The following HBP1 variants were observed in gnomAD, a reference collection of about 807,000 sequenced individuals.
HBP1 encodes the protein HMG box-containing protein 1.
HBP1 carries 20 observed loss-of-function variants against 62.6 expected under a neutral mutation model. The observed-to-expected ratio is 0.32, with a 90% CI of 0.22 to 0.46. HBP1 has a LOEUF of 0.46. Among genes scored for constraint, HBP1 ranks in the 20% least tolerant of loss-of-function variants. The pLI, the probability that HBP1 is intolerant of heterozygous loss-of-function variation, is 1.00. For synonymous variants in HBP1, 232 were observed against 206.2 expected (o/e 1.12, Z -1.07); for missense variants, 480 against 611.8 (o/e 0.78, Z 2.27).
intron 2 of HBP1, among the ~76,000 whole-genome samples, chr7:107,181,965 A>G (rs1314129507): frequency 6.6e-6 from 1 of 152,180 alleles, no homozygotes; most frequent in Non-Finnish European, 1.5e-5. Flanking sequence ...AAAAAGAAAT[A>G]CTTTAACACA....
Position 107,193,099 on chromosome 7 carries a change from G to GT in HBP1, c.1068-2734dup, listed in dbSNP as rs1196123921. ...CTCATACATAATTCAAGGTTCTGTT[G>GT]TAAGTAGCCCATTCTGAAACATTGA... On this transcript the variant is annotated intron_variant, in intron 8 of 10. Transcript: ENST00000222574. The GT allele has an allele frequency of 3.3e-5, 5 of 152,250 alleles. No homozygotes were observed. The East Asian group carries it at 9.7e-4, about 29-fold the overall frequency. 9.4% of individuals were successfully genotyped at this position (152,250 alleles called of 1,614,324 possible). A position where few individuals can be genotyped will look rare whatever the true frequency, so the allele number is the denominator to read the frequency against.
intron 1 of HBP1, chr7:107,169,749 G>C (rs1191277050): frequency 1.0e-6 from 1 of 985,394 alleles, no homozygotes; most frequent in East Asian, 1.1e-4. Flanking sequence ...CCAGGCGCCT[G>C]CGCGCTGGGG....
chr7:107,171,073 A>ATATATATATTTTTTTTTTTT, intron 1 of HBP1, among the ~76,000 whole-genome samples: 5 of 87,198 alleles, frequency 5.7e-5, no homozygotes, highest in African/African-American at 3.3e-4. Flanking sequence ...ATATATATAT[A>ATATATATATTTTTTTTTTTT]TTTTTTTTTT....
chr7:107,199,766 A>G (rs74637623), intron 9 of HBP1, among the ~76,000 whole-genome samples: 1,670 of 152,348 alleles, frequency 0.011, 18 homozygotes, highest in African/African-American at 0.038. Flanking sequence ...TTTTGAGTTT[A>G]TCCAGTTTTC....
intron 2 of HBP1, among the ~76,000 whole-genome samples, chr7:107,181,888 A>G (rs1285279028): frequency 1.3e-5 from 2 of 152,096 alleles, no homozygotes; most frequent in Non-Finnish European, 2.9e-5. Flanking sequence ...CCTTTTAGGA[A>G]TGCACTTATA....
intron 1 of HBP1, chr7:107,169,738 C>A: frequency 1.0e-6 from 1 of 985,328 alleles, no homozygotes; most frequent in South Asian, 4.7e-5. Flanking sequence ...TGAATGGGCT[C>A]CCAGGCGCCT....
chr7:107,190,827 G>A (rs1797616628), intron 8 of HBP1, among the ~76,000 whole-genome samples: 1 of 152,212 alleles, frequency 6.6e-6, no homozygotes, highest in Admixed American at 6.5e-5. Flanking sequence ...AGAGAGGGAA[G>A]TGGTTATTCC....
chr7:107,169,619 G>C (rs949888222), intron 1 of HBP1: 4 of 412,722 alleles, frequency 9.7e-6, no homozygotes, highest in African/African-American at 8.6e-5. Flanking sequence ...GGCCGGAGGT[G>C]GGGGACCCCA....
Position 107,179,988 on chromosome 7 carries a change from T to G in HBP1, c.95T>G (p.Leu32Trp). The G allele has an allele frequency of 6.2e-7, 1 of 1,611,210 alleles. No individual in the cohort carries two copies. The highest frequency in any genetic ancestry group is 8.5e-7 in the Non-Finnish European group (1 of 1,177,558). Reference protein sequence around the residue: ...DKRASGMNDSLELLQCNENLP... With the variant: ...DKRASGMNDSWELLQCNENLP... ...AGAGCCTCAGGAATGAATGACTCAT[T>G]GGAGTTGCTGCAGTGTAATGAGAAT... Residue 32 changes from leucine (L) to tryptophan (W), a missense_variant, in exon 2 of 11, where the codon TTG becomes TGG. By Grantham distance (61) the Leu-to-Trp change is moderately conservative. This residue lies in a region of HBP1 where 304 missense variants were observed against 330.9 expected (regional missense o/e 0.92). Coordinates refer to ENST00000222574, the MANE Select transcript of HBP1 (RefSeq NM_012257.4).
In HBP1 at chr7:107,201,476, A is replaced by G; in HGVS notation, c.*45A>G. 7.8e-7 allele frequency: 1 copy of G among 1,277,098 alleles called. No homozygotes were observed. The highest frequency in any genetic ancestry group is 1.1e-6 in the Non-Finnish European group (1 of 878,428). The allele number at this position is 1,277,098 out of a possible 1,614,324, so 79.1% of individuals were successfully genotyped here. Reference sequence around the variant, plus strand: ...TAAGTCTATATTTGCATATACATTGACTCTTGATGGAAAGACTTAAGAAGA... The same window carrying G: ...TAAGTCTATATTTGCATATACATTGGCTCTTGATGGAAAGACTTAAGAAGA... On this transcript the variant is annotated 3_prime_UTR_variant, in exon 11 of 11. Coordinates refer to ENST00000222574, the MANE Select transcript of HBP1 (RefSeq NM_012257.4).
intron 9 of HBP1, among the ~76,000 whole-genome samples, chr7:107,199,257 A>G (rs1052126153): frequency 1.3e-5 from 2 of 152,040 alleles, no homozygotes; most frequent in Non-Finnish European, 2.9e-5. Flanking sequence ...GGCAAATAGT[A>G]GAGATGGGGT....
rs1280507715 is a variant in HBP1, at chr7:107,202,139, G to A, written c.*708G>A. The A allele has an allele frequency of 6.5e-6, 1 of 152,680 alleles. No homozygotes were observed. Among genetic ancestry groups the A allele is most frequent in the Non-Finnish European group, 1.5e-5 (1 of 68,042 alleles). 9.5% of individuals were successfully genotyped at this position (152,680 alleles called of 1,614,324 possible). ...TTAATAGCATTGGGATATAGTCACT[G>A]TAATGGTGCTATTAACAAACAGTCA... On this transcript the variant is annotated 3_prime_UTR_variant, in exon 11 of 11. Transcript: ENST00000222574.
intron 8 of HBP1, among the ~76,000 whole-genome samples, chr7:107,194,641 A>G (rs1407200314): frequency 9.9e-5 from 15 of 152,162 alleles, no homozygotes; most frequent in Non-Finnish European, 2.2e-4. Flanking sequence ...GAATTTTGTA[A>G]TCTCATGTTT....
intron 1 of HBP1, among the ~76,000 whole-genome samples, chr7:107,175,092 C>T (rs1464294387): frequency 6.6e-6 from 1 of 152,022 alleles, no homozygotes; most frequent in African/African-American, 2.4e-5. Flanking sequence ...AAAATACCCT[C>T]CTTAAAATAT....
In HBP1 at chr7:107,171,073, A is replaced by ATATATATTTTTT; in HGVS notation, c.-16+1889_-16+1890insATATATTTTTTT. Among the ~76,000 whole-genome samples, 69 of 87,200 alleles carry ATATATATTTTTT rather than the reference A, an allele frequency of 7.9e-4. 4 individuals are homozygous for ATATATATTTTTT. The highest frequency in any genetic ancestry group is 1.7e-3 in the African/African-American group (26 of 15,124). 57.2% of individuals were successfully genotyped at this position (87,200 alleles called of 152,430 possible). The stretch of plus-strand genomic sequence containing the variant: ...TATATATATATATATATATATATAT[A>ATATATATTTTTT]TTTTTTTTTTTTTTTGAGAGGGAGT... On this transcript the variant is annotated intron_variant, in intron 1 of 10. Transcript: ENST00000222574.
Position 107,185,937 on chromosome 7 carries a change from G to A in HBP1, c.535G>A (p.Glu179Lys), listed in dbSNP as rs769903941. The A allele has an allele frequency of 2.5e-6, 4 of 1,610,672 alleles. No homozygotes were observed. The highest frequency in any genetic ancestry group is 2.7e-5 in the African/African-American group (2 of 74,982). The change falls in exon 4 of 11, where the codon GAA becomes AAA. Residue 179 changes from glutamate (E) to lysine (K), a missense_variant. By Grantham distance (56) the Glu-to-Lys change is moderately conservative. Transcript: ENST00000222574. ...GAAGGAGGAAACACCAGTAAGACAC[G>A]AAAGGGTAAGTTTATTTATGAGGTT... ...HWKEETPVRH[E>K]RANSESESGI...
intron 6 of HBP1, among the ~76,000 whole-genome samples, chr7:107,188,621 T>C (rs1188734711): frequency 6.6e-6 from 1 of 152,192 alleles, no homozygotes; most frequent in East Asian, 1.9e-4. Context: ...TCAATATTCA[T>C]TGAATTTAAA....
intron 8 of HBP1, among the ~76,000 whole-genome samples, chr7:107,194,525 T>C (rs982084996): frequency 6.6e-6 from 1 of 152,198 alleles, no homozygotes; most frequent in Non-Finnish European, 1.5e-5. Context: ...TGCAATACTT[T>C]CAGAAAAAAG....
chr7:107,179,964 G>C lies in HBP1; in HGVS notation c.71G>C (p.Arg24Thr), dbSNP rs757571756. The C allele has an allele frequency of 6.2e-7, 1 of 1,611,944 alleles. No homozygotes were observed. ...VQKLLLVMDK[R>T]ASGMNDSLEL... is the part of the protein sequence containing the mutation. ...AAACTCCTGTTGGTGATGGACAAGA[G>C]AGCCTCAGGAATGAATGACTCATTG... The change falls in exon 2 of 11, where the codon AGA (arginine) becomes ACA (threonine). Residue 24 changes from arginine (R) to threonine (T), a missense_variant. Arg to Thr is a moderately conservative substitution (Grantham distance 71). Coordinates refer to ENST00000222574, the MANE Select transcript of HBP1 (RefSeq NM_012257.4).
Sources: allele counts gnomAD v4.1 joint callset (sites outside exome capture counted in the v4.1 genomes callset), GRCh38; gene constraint gnomAD v4.1.1; regional missense constraint gnomAD v4.1.1; transcripts MANE v1.5; gene names NCBI Gene and HGNC (gene_info 2026-07-23, HGNC 2026-07-21).